PRAG1: variants seen among roughly 807,000 people sequenced by gnomAD.
The protein encoded by PRAG1 is PEAK1 related, kinase-activating pseudokinase 1.
A neutral mutation model predicts 95.6 loss-of-function variants in PRAG1; 110 were observed. The observed-to-expected ratio is 1.15, with a 90% CI of 0.99 to 1.35. The LOEUF (loss-of-function observed/expected upper bound fraction) is 1.35, where lower values mean the gene tolerates loss of function less well. Among genes scored for constraint, PRAG1 ranks in the 40% most tolerant of loss-of-function variants. PRAG1 has a pLI of 0.00. For missense variants in PRAG1, 2,554 were observed against 1,864.7 expected (o/e 1.37, Z -6.81); for synonymous variants, 1,052 against 819.4 (o/e 1.28, Z -4.85).
intron 4 of PRAG1, among the ~76,000 whole-genome samples, chr8:8,337,376 G>C (rs1043371423): frequency 6.6e-6 from 1 of 152,142 alleles, no homozygotes; most frequent in African/African-American, 2.4e-5. Flanking sequence ...CTTGGTAAGC[G>C]GTGAGAAGTG....
intron 3 of PRAG1, among the ~76,000 whole-genome samples, chr8:8,349,661 G>GA (rs1477205594): frequency 6.6e-6 from 1 of 152,028 alleles, no homozygotes; most frequent in East Asian, 1.9e-4. Flanking sequence ...AATGCCAGCT[G>GA]AAAAAACTGA....
rs1800493462 is a variant in PRAG1, at chr8:8,378,044, AG to A, written c.364del (p.Leu122SerfsTer59). 6.4e-7 allele frequency: 1 copy of A among 1,554,028 alleles called. No individual in the cohort carries two copies. On this transcript the variant is annotated frameshift_variant, in exon 3 of 6. Coordinates refer to ENST00000615670, the MANE Select transcript of PRAG1 (RefSeq NM_001080826.3). LOFTEE classifies it high-confidence loss of function. ...GACGGGGGCATCCTCCTGCTTCGGG[AG>A]GGGGAGCTTGCCAGGGGCTCGTCTC... ...IWRRAPGKLP[L>X]PKQEDAPVVY...
intron 3 of PRAG1, among the ~76,000 whole-genome samples, chr8:8,366,408 G>A (rs573789841): frequency 6.6e-6 from 1 of 151,760 alleles, no homozygotes; most frequent in Admixed American, 6.6e-5. Context: ...CCAACTCCCG[G>A]GTTCAAGCAA....
Position 8,319,078 on chromosome 8 carries a change from G to A in PRAG1, c.3297C>T (p.Thr1099=), listed in dbSNP as rs781423367. 9.3e-6 allele frequency: 15 copies of A among 1,611,004 alleles called. No homozygotes were observed. The highest frequency in any genetic ancestry group is 3.3e-5 in the Admixed American group (2 of 59,942). The stretch of plus-strand genomic sequence containing the variant: ...CCGAGTCCCGCACGAAGTCGGAGGC[G>A]GTCTGATGTGGCACCTCTCGGGTGA... ...VVITREVPHQ[T]ASDFVRDSAA... The change falls in exon 6 of 6, where the codon ACC becomes ACT. Residue 1099 remains threonine (T), a synonymous_variant. Coordinates refer to ENST00000615670, the MANE Select transcript of PRAG1 (RefSeq NM_001080826.3).
chr8:8,376,699 C>T lies in PRAG1; in HGVS notation c.1710G>A (p.Leu570=). The T allele has an allele frequency of 4.3e-6, 7 of 1,611,526 alleles. No homozygotes were observed. The highest frequency in any genetic ancestry group is 5.9e-6 in the Non-Finnish European group (7 of 1,179,974). ...CAGAGCTCCCATCACTAAGGTCAGC[C>T]AGCGGTGACACTGGGGGCCCTCCAG... The part of the protein sequence containing the change: ...PSAGGPPVSP[L]ADLSDGSSGG... The change falls in exon 3 of 6, where the codon CTG becomes CTA. Residue 570 remains leucine (L), a synonymous_variant. Transcript: ENST00000615670.
rs1180110335 is a variant in PRAG1, at chr8:8,327,857, C to G, written c.2925G>C (p.Met975Ile). The stretch of plus-strand genomic sequence containing the variant: ...AGTGGAGCTCCTTTTTCTGGCCGCC[C>G]ATGAAGAGGTCCTCACATTTGGCTA... ...RLVAKCEDLF[M>I]GGQKKELHFN... is the part of the protein sequence containing the mutation. The change falls in exon 5 of 6, where the codon ATG becomes ATC. Residue 975 changes from methionine to isoleucine, a missense_variant. Coordinates refer to ENST00000615670, the MANE Select transcript of PRAG1 (RefSeq NM_001080826.3). The G allele has an allele frequency of 1.2e-6, 2 of 1,614,104 alleles. No individual in the cohort carries two copies. The highest frequency in any genetic ancestry group is 1.7e-6 in the Non-Finnish European group (2 of 1,180,046).
intron 3 of PRAG1, among the ~76,000 whole-genome samples, chr8:8,372,490 G>A (rs1383368661): frequency 1.3e-5 from 2 of 152,236 alleles, no homozygotes; most frequent in Non-Finnish European, 2.9e-5. Context: ...TTCTTAGTAA[G>A]TGTGACTTTG....
At chr8:8,339,102 G>C (rs1404344738) in intron 4 of PRAG1, among the ~76,000 whole-genome samples, 2 of 151,340 alleles carry the variant, frequency 1.3e-5, no homozygotes, top group Non-Finnish European at 2.9e-5. Context: ...ATGCAAAAGA[G>C]AGAGAGAGAG....
At position 8,376,393 on chromosome 8, in the gene PRAG1, G is replaced by A; in HGVS notation, c.2016C>T (p.His672=). ...PTDHSNSTTW[H]RLHPTDGSSG... ...AGGAGCCATCTGTGGGGTGGAGACG[G>A]TGCCAGGTCGTGGAGTTTGAATGGT... Residue 672 remains histidine (H), a synonymous_variant, in exon 3 of 6, where the codon CAC becomes CAT. Coordinates refer to ENST00000615670, the MANE Select transcript of PRAG1 (RefSeq NM_001080826.3). The A allele has an allele frequency of 6.2e-7, 1 of 1,614,228 alleles. No homozygotes were observed. The highest frequency in any genetic ancestry group is 8.5e-7 in the Non-Finnish European group (1 of 1,180,046).
chr8:8,326,235 T>C (rs990448532), intron 5 of PRAG1, among the ~76,000 whole-genome samples: 4 of 148,138 alleles, frequency 2.7e-5, no homozygotes, highest in Non-Finnish European at 6.0e-5. Context: ...ATATTATTTA[T>C]ATATACTGAA....
At chr8:8,345,800 T>A (rs1280186873) in intron 3 of PRAG1, among the ~76,000 whole-genome samples, 1 of 151,808 alleles carries the variant, frequency 6.6e-6, no homozygotes, top group Non-Finnish European at 1.5e-5. Context: ...GTCTCAAAAA[T>A]AAAATAAAAT....
intron 1 of PRAG1, among the ~76,000 whole-genome samples, chr8:8,382,982 G>A (rs1434170214): frequency 1.3e-5 from 2 of 152,112 alleles, no homozygotes; most frequent in Non-Finnish European, 2.9e-5. Context: ...CTTCCCATAA[G>A]GAGAATGTTC....
chr8:8,344,874 C>A (rs1215530243), intron 3 of PRAG1, among the ~76,000 whole-genome samples: 2 of 152,150 alleles, frequency 1.3e-5, no homozygotes, highest in Non-Finnish European at 2.9e-5. Context: ...CCACAGAGCA[C>A]CCCTGTGGCT....
At chr8:8,364,798 G>T (rs2116900556) in intron 3 of PRAG1, among the ~76,000 whole-genome samples, 1 of 152,062 alleles carries the variant, frequency 6.6e-6, no homozygotes, top group East Asian at 1.9e-4. Context: ...GCGATCAAAT[G>T]AATGTCAAGA....
chr8:8,343,553 T>C (rs888907644), intron 3 of PRAG1, among the ~76,000 whole-genome samples: 7 of 152,254 alleles, frequency 4.6e-5, no homozygotes, highest in Non-Finnish European at 7.3e-5. Flanking sequence ...AACTTTTGTT[T>C]CAGATGTGTG....
chr8:8,355,243 T>C (rs1355827740), intron 3 of PRAG1, among the ~76,000 whole-genome samples: 1 of 152,080 alleles, frequency 6.6e-6, no homozygotes, highest in Non-Finnish European at 1.5e-5. Context: ...CTATAAAACA[T>C]TAAATGCAAG....
intron 3 of PRAG1, among the ~76,000 whole-genome samples, chr8:8,340,955 C>A (rs182833401): frequency 1.3e-5 from 2 of 152,314 alleles, no homozygotes; most frequent in African/African-American, 4.8e-5. Context: ...ATGGCAGTAG[C>A]TGATCCTTGC....
chr8:8,344,416 C>T (rs897818007), intron 3 of PRAG1, among the ~76,000 whole-genome samples: 1 of 152,114 alleles, frequency 6.6e-6, no homozygotes, highest in Non-Finnish European at 1.5e-5. Flanking sequence ...AGATTAAAAA[C>T]ATATAAGGAT....
At position 8,320,713 on chromosome 8, in the gene PRAG1, A is replaced by G. The variant is rs146445532; in HGVS notation, c.3073-1411T>C. On this transcript the variant is annotated intron_variant, in intron 5 of 5. Transcript: ENST00000615670. ...ATTATCCTGCAAACACTCCTAAAATAACCCTGCCTTCAGGCTGCAGTGTTG... is the reference window on the plus strand; with the variant it reads ...ATTATCCTGCAAACACTCCTAAAATGACCCTGCCTTCAGGCTGCAGTGTTG... Among the ~76,000 whole-genome samples, 7 of 152,312 alleles carry G rather than the reference A, an allele frequency of 4.6e-5. No homozygotes were observed. In the East Asian group the frequency reaches 1.4e-3, roughly 29 times the overall value.
Sources: allele counts gnomAD v4.1 joint callset (sites outside exome capture counted in the v4.1 genomes callset), GRCh38; gene constraint gnomAD v4.1.1; transcripts MANE v1.5; gene names NCBI Gene and HGNC (gene_info 2026-07-23, HGNC 2026-07-21).